F2RL1: variants seen among roughly 807,000 people sequenced by gnomAD.
F2RL1 encodes F2R like trypsin receptor 1.
In F2RL1, 16 loss-of-function variants were observed where a neutral mutation model predicts 21.7. The observed-to-expected ratio is 0.74, with a 90% confidence interval of 0.50 to 1.12. The LOEUF (loss-of-function observed/expected upper bound fraction) is 1.12. F2RL1 is among the 50% of genes most tolerant of loss of function. The pLI, the probability that F2RL1 is intolerant of heterozygous loss-of-function variation, is 0.00. For synonymous variants in F2RL1, 181 were observed against 186.7 expected, an observed-to-expected ratio of 0.97 and a Z score of 0.25; for missense variants, 432 against 477.8, an observed-to-expected ratio of 0.90 and a Z score of 0.89.
At chr5:76,832,601 A>C (rs1297198506) in intron 1 of F2RL1, 89 bp from the exon 2 acceptor site, 1 of 1,280,288 alleles carries the variant, frequency 7.8e-7, no homozygotes, top group Non-Finnish European at 1.1e-6. Flanking sequence ...TAAAAAATGA[A>C]TAAATGAATG....
chr5:76,832,633 G>C (rs1441914703), intron 1 of F2RL1, 57 bp from the exon 2 acceptor site: 3 of 1,466,332 alleles, frequency 2.0e-6, no homozygotes, highest in Non-Finnish European at 2.8e-6. Context: ...GAACAAACCA[G>C]TGTTACTGCT....
At position 76,832,527 on chromosome 5, in the gene F2RL1, C is replaced by T. The variant is rs146962805; in HGVS notation, c.83-163C>T. Among the ~76,000 whole-genome samples the T allele has an allele frequency of 3.4e-4, 52 of 152,230 alleles. 1 individual carries two copies. The highest frequency in any genetic ancestry group is 9.9e-4 in the African/African-American group (41 of 41,554). On this transcript the variant is annotated intron_variant, in intron 1 of 1. Coordinates refer to ENST00000296677, the MANE Select transcript of F2RL1 (RefSeq NM_005242.6). ...GCTTGAGCCCAAAAGTTTGAGGCTG[C>T]GGTGCATTATGATCGCTCCACTACG...
chr5:76,828,971 C>A (rs929368235), intron 1 of F2RL1, among the ~76,000 whole-genome samples: 1 of 152,000 alleles, frequency 6.6e-6, no homozygotes, highest in Admixed American at 6.6e-5. Flanking sequence ...CAAAAATTAG[C>A]TGGATGTAGT....
rs377168933 is a variant in F2RL1 at position 76,832,552 on chromosome 5, G to A, written c.83-138G>A. The A allele has an allele frequency of 5.1e-4, 448 of 870,700 alleles. No individual in the cohort carries two copies. The East Asian group carries it at 7.7e-3, about 15-fold the overall frequency. The allele number at this position is 870,700 out of a possible 1,614,324, so 53.9% of individuals were successfully genotyped here. On this transcript the variant is annotated intron_variant, in intron 1 of 1. Transcript: ENST00000296677. ...CGGTGCATTATGATCGCTCCACTAC[G>A]CTCCAGCCTGGGTGACAGCGAGACC...
Position 76,833,218 on chromosome 5 carries a change from T to A in F2RL1, c.611T>A (p.Leu204Gln). The A allele has an allele frequency of 1.2e-6, 2 of 1,614,030 alleles. No homozygotes were observed. Among genetic ancestry groups the A allele is most frequent in the Non-Finnish European group, 1.7e-6 (2 of 1,179,980 alleles). Residue 204 changes from leucine (L) to glutamine (Q), a missense_variant, in exon 2 of 2, where the codon CTG (leucine) becomes CAG (glutamine). Physicochemically the swap from Leu to Gln is moderately radical, Grantham distance 113 (BLOSUM62 -2). Coordinates refer to ENST00000296677, the MANE Select transcript of F2RL1 (RefSeq NM_005242.6). The stretch of plus-strand genomic sequence containing the variant: ...CTGGCAATATGGCTGCTGATTCTGC[T>A]GGTCACCATTCCTTTGTATGTCGTG... ...ISLAIWLLIL[L>Q]VTIPLYVVKQ...
At chr5:76,832,116 A>G (rs1367945092) in intron 1 of F2RL1, among the ~76,000 whole-genome samples, 2 of 152,122 alleles carry the variant, frequency 1.3e-5, no homozygotes, top group Non-Finnish European at 2.9e-5. Context: ...TTATATTCCT[A>G]GAAATCGATG....
intron 1 of F2RL1, 110 bp from the exon 2 acceptor site, chr5:76,832,580 G>A (rs1011824971): frequency 8.9e-7 from 1 of 1,119,760 alleles, no homozygotes; most frequent in African/African-American, 1.6e-5. Flanking sequence ...GCGAGACCCT[G>A]TCTCATAAAT....
chr5:76,832,563 G>T lies in F2RL1; in HGVS notation c.83-127G>T, dbSNP rs914792149. On this transcript the variant is annotated intron_variant, in intron 1 of 1. Transcript: ENST00000296677. ...GATCGCTCCACTACGCTCCAGCCTG[G>T]GTGACAGCGAGACCCTGTCTCATAA... 7.3e-6 allele frequency: 7 copies of T among 961,568 alleles called. No homozygotes were observed. In the Admixed American group the frequency reaches 1.7e-4, roughly 24 times the overall value. The allele number at this position is 961,568 out of a possible 1,614,324, so 59.6% of individuals were successfully genotyped here.
intron 1 of F2RL1, among the ~76,000 whole-genome samples, chr5:76,822,564 A>G (rs1750158430): frequency 6.6e-6 from 1 of 152,144 alleles, no homozygotes; most frequent in Non-Finnish European, 1.5e-5. Context: ...GGAAGATAGG[A>G]CTTTAAATTT....
intron 1 of F2RL1, among the ~76,000 whole-genome samples, chr5:76,826,139 G>GT (rs892774855): frequency 1.1e-4 from 16 of 148,480 alleles, no homozygotes; most frequent in African/African-American, 3.7e-4. Context: ...TTTCTTTTCT[G>GT]TTTTTTTCCC....
intron 1 of F2RL1, among the ~76,000 whole-genome samples, chr5:76,825,004 AT>A (rs555152159): frequency 0.013 from 1,750 of 129,874 alleles, 10 homozygotes; most frequent in African/African-American, 0.04. Flanking sequence ...GTACATTATA[AT>A]TTTTTTTTTT....
Position 76,833,319 on chromosome 5 carries a change from G to T in F2RL1, c.712G>T (p.Asp238Tyr). 6.2e-7 allele frequency: 1 copy of T among 1,613,902 alleles called. No individual in the cohort carries two copies. Among genetic ancestry groups the T allele is most frequent in the South Asian group, 1.1e-5 (1 of 91,052 alleles). Residue 238 changes from aspartate (D) to tyrosine (Y), a missense_variant, in exon 2 of 2, where the codon GAC becomes TAC. Asp to Tyr is a radical substitution (Grantham distance 160). Transcript: ENST00000296677. ...TTTGCCTGAGCAGCTCTTGGTGGGAGACATGTTCAATTACTTCCTCTCTCT... is the reference window on the plus strand; with the variant it reads ...TTTGCCTGAGCAGCTCTTGGTGGGATACATGTTCAATTACTTCCTCTCTCT... ...DVLPEQLLVG[D>Y]MFNYFLSLAI...
chr5:76,830,197 T>C (rs1750326195), intron 1 of F2RL1, among the ~76,000 whole-genome samples: 1 of 152,208 alleles, frequency 6.6e-6, no homozygotes. Context: ...TTGATGTGAC[T>C]CCAATCTCTG....
chr5:76,821,577 G>T (rs1184499915), intron 1 of F2RL1, among the ~76,000 whole-genome samples: 8 of 130,248 alleles, frequency 6.1e-5, no homozygotes, highest in Non-Finnish European at 9.4e-5. Flanking sequence ...TTGTTTTTTT[G>T]GTTTTTTGGG....
Position 76,819,242 on chromosome 5 carries a change from C to G in F2RL1, c.60C>G (p.Leu20=), listed in dbSNP as rs1354156776. Reference sequence around the variant, plus strand: ...CCGCCATCCTGCTAGCAGCCTCTCTCTCCTGCAGTGGCACCATCCAAGGTG... The same window carrying G: ...CCGCCATCCTGCTAGCAGCCTCTCTGTCCTGCAGTGGCACCATCCAAGGTG... ...LGAAILLAAS[L]SCSGTIQGTS... The change falls in exon 1 of 2, where the codon CTC becomes CTG. Residue 20 remains leucine, a synonymous_variant. Transcript: ENST00000296677. 1.3e-6 allele frequency: 2 copies of G among 1,592,808 alleles called. No individual in the cohort carries two copies. The highest frequency in any genetic ancestry group is 1.7e-6 in the Non-Finnish European group (2 of 1,178,018).
intron 1 of F2RL1, among the ~76,000 whole-genome samples, chr5:76,819,567 C>T (rs1407913796): frequency 6.6e-6 from 1 of 152,098 alleles, no homozygotes; most frequent in Admixed American, 6.5e-5. Context: ...AGCGTGGGTT[C>T]GGGGAAAGGG....
chr5:76,832,797 T>C lies in F2RL1; in HGVS notation c.190T>C (p.Phe64Leu). 6.2e-7 allele frequency: 1 copy of C among 1,613,990 alleles called. No individual in the cohort carries two copies. The highest frequency in any genetic ancestry group is 8.5e-7 in the Non-Finnish European group (1 of 1,180,010). The change falls in exon 2 of 2, where the codon TTT (phenylalanine) becomes CTT (leucine). Residue 64 changes from phenylalanine to leucine, a missense_variant. Phe to Leu is a conservative substitution (Grantham distance 22). Transcript: ENST00000296677. Reference protein sequence around the residue: ...TVETVFSVDEFSASVLTGKLT... With the variant: ...TVETVFSVDELSASVLTGKLT... The stretch of plus-strand genomic sequence containing the variant: ...TGAAACAGTCTTTTCTGTGGATGAG[T>C]TTTCTGCATCTGTCCTCACTGGAAA...
At chr5:76,826,505 T>G (rs571432740) in intron 1 of F2RL1, among the ~76,000 whole-genome samples, 2 of 152,218 alleles carry the variant, frequency 1.3e-5, no homozygotes, top group Non-Finnish European at 1.5e-5. Flanking sequence ...TCCATGTATC[T>G]ATGTATCAGT....
At chr5:76,832,143 C>T (rs1249478460) in intron 1 of F2RL1, among the ~76,000 whole-genome samples, 1 of 151,846 alleles carries the variant, frequency 6.6e-6, no homozygotes, top group Non-Finnish European at 1.5e-5. Flanking sequence ...ATGCATCCCA[C>T]AACTCCTTAC....
Sources: allele counts gnomAD v4.1 joint callset (sites outside exome capture counted in the v4.1 genomes callset), GRCh38; gene constraint gnomAD v4.1.1; transcripts MANE v1.5; gene names NCBI Gene and HGNC (gene_info 2026-07-23, HGNC 2026-07-21).